Variants in FAM111B observed in about 807,000 individuals in gnomAD.
FAM111B encodes FAM111 trypsin like peptidase B.
A neutral mutation model predicts 2.8 loss-of-function variants in FAM111B; 1 was observed. The observed-to-expected ratio is 0.36, with a 90% CI of 0.13 to 1.70. The LOEUF is 1.70. Among genes scored for constraint, FAM111B ranks in the 40% most tolerant of loss-of-function variants. The pLI is 0.35. For synonymous variants in FAM111B, 297 were observed against 295.6 expected, an observed-to-expected ratio of 1.00 and a Z score of -0.05; for missense variants, 882 against 878.9, an observed-to-expected ratio of 1.00 and a Z score of -0.04.
intron 1 of FAM111B, among the ~76,000 whole-genome samples, chr11:59,108,252 A>G (rs7110278): frequency 0.44 from 66,969 of 152,054 alleles, 15,013 homozygotes; most frequent in Admixed American, 0.53. Context: ...TAAAAGGGTT[A>G]CAGGGAGAGG....
At chr11:59,117,428 T>G (rs537886720) in intron 3 of FAM111B, among the ~76,000 whole-genome samples, 1 of 152,182 alleles carries the variant, frequency 6.6e-6, no homozygotes, top group East Asian at 1.9e-4. Flanking sequence ...GAGGGCAGGT[T>G]TTTCAAGGCT....
At chr11:59,113,685 G>A (rs910842337) in intron 3 of FAM111B, among the ~76,000 whole-genome samples, 8 of 152,166 alleles carry the variant, frequency 5.3e-5, no homozygotes, top group Non-Finnish European at 1.2e-4. Flanking sequence ...ATGGAGTCAC[G>A]TCTCTATCAG....
At chr11:59,108,951 A>G (rs1590886243) in intron 2 of FAM111B, among the ~76,000 whole-genome samples, 1 of 152,152 alleles carries the variant, frequency 6.6e-6, no homozygotes, top group East Asian at 1.9e-4. Context: ...TTACATGGAA[A>G]CCATTTTATA....
At position 59,124,981 on chromosome 11, in the gene FAM111B, A is replaced by G; in HGVS notation, c.884A>G (p.His295Arg). Residue 295 changes from histidine (H) to arginine (R), a missense_variant, in exon 4 of 4, where the codon CAC becomes CGC. Transcript: ENST00000343597. ...QNESATDEIN[H>R]QSLIQSKKKV... is the part of the protein sequence containing the mutation. ...GAAAGTGCCACTGATGAAATTAATC[A>G]CCAGAGTCTGATACAGTCTAAGAAA... 6.2e-7 allele frequency: 1 copy of G among 1,612,090 alleles called. No individual in the cohort carries two copies. The highest frequency in any genetic ancestry group is 1.7e-5 in the Admixed American group (1 of 59,742).
intron 3 of FAM111B, among the ~76,000 whole-genome samples, chr11:59,112,555 C>T (rs983804034): frequency 6.6e-6 from 1 of 152,170 alleles, no homozygotes; most frequent in Non-Finnish European, 1.5e-5. Flanking sequence ...AAGTGTATGA[C>T]ATAACTTTAA....
In FAM111B at chr11:59,125,134, GA is replaced by G; in HGVS notation, c.1040del (p.Asn347IlefsTer14). On this transcript the variant is annotated frameshift_variant, in exon 4 of 4. Transcript: ENST00000343597. LOFTEE classifies it low-confidence loss of function (END_TRUNC). ...ACTCGCCAGACAATTCCCAGGATTA[GA>G]AATTATTACTTTTGTAGTTTGCCCC... ...DKTRQTIPRI[R>X]NYYFCSLPRK... The G allele has an allele frequency of 6.2e-7, 1 of 1,613,882 alleles. No homozygotes were observed. Among genetic ancestry groups the G allele is most frequent in the Non-Finnish European group, 8.5e-7 (1 of 1,179,844 alleles).
At chr11:59,111,836 G>A (rs1565186799) in intron 3 of FAM111B, among the ~76,000 whole-genome samples, 1 of 152,010 alleles carries the variant, frequency 6.6e-6, no homozygotes, top group Non-Finnish European at 1.5e-5. Context: ...CAAAGTAAAG[G>A]AGGCAACAAA....
chr11:59,121,182 C>G (rs576915460), intron 3 of FAM111B, among the ~76,000 whole-genome samples: 1 of 150,620 alleles, frequency 6.6e-6, no homozygotes, highest in African/African-American at 2.4e-5. Flanking sequence ...AATGAAAAAT[C>G]AAGAAGAAAT....
chr11:59,111,365 A>C (rs544504252), intron 3 of FAM111B, among the ~76,000 whole-genome samples: 1 of 152,156 alleles, frequency 6.6e-6, no homozygotes, highest in Non-Finnish European at 1.5e-5. Flanking sequence ...AAATAGCTGC[A>C]GTATCTTTTT....
chr11:59,108,244 A>C (rs1464954150), intron 1 of FAM111B, among the ~76,000 whole-genome samples: 12 of 152,220 alleles, frequency 7.9e-5, no homozygotes, highest in African/African-American at 2.9e-4. Context: ...GGGATCCCTA[A>C]AAGGGTTACA....
At chr11:59,123,477 T>C (rs1420646078) in intron 3 of FAM111B, among the ~76,000 whole-genome samples, 1 of 152,176 alleles carries the variant, frequency 6.6e-6, no homozygotes, top group Admixed American at 6.5e-5. Context: ...GATGTTTACA[T>C]CCTCAGTTGC....
chr11:59,123,845 T>G (rs1859960630), intron 3 of FAM111B, among the ~76,000 whole-genome samples: 1 of 152,194 alleles, frequency 6.6e-6, no homozygotes. Flanking sequence ...CTCATTTCTT[T>G]GCATCTGGAT....
At position 59,124,399 on chromosome 11, in the gene FAM111B, G is replaced by A. The variant is rs1449921032; in HGVS notation, c.302G>A (p.Gly101Asp). Residue 101 changes from glycine to aspartate, a missense_variant, in exon 4 of 4, where the codon GGT becomes GAT. Transcript: ENST00000343597. ...GACCGTAGTGTGTTTACAGCATATG[G>A]TAAACCCAGCGAGAGTATCTACTCA... ...KLDRSVFTAY[G>D]KPSESIYSAL... The A allele has an allele frequency of 2.5e-6, 4 of 1,613,638 alleles. No individual in the cohort carries two copies. In the South Asian group the frequency reaches 3.3e-5, roughly 13 times the overall value.
Position 59,123,925 on chromosome 11 carries a change from T to C in FAM111B, c.82-254T>C, listed in dbSNP as rs1474534972. ...CCATTAAATGGTCTTAAGACCCTTG[T>C]TGAAAATCAAAGTACTACTTTTAAG... On this transcript the variant is annotated intron_variant, in intron 3 of 3. Coordinates refer to ENST00000343597, the MANE Select transcript of FAM111B (RefSeq NM_198947.4). Among the ~76,000 whole-genome samples, 67 of 152,154 alleles carry C rather than the reference T, an allele frequency of 4.4e-4. 1 individual carries two copies. The highest frequency in any genetic ancestry group is 1.0e-4 in the Non-Finnish European group (7 of 67,996).
intron 3 of FAM111B, among the ~76,000 whole-genome samples, chr11:59,123,750 A>G (rs1371165542): frequency 6.6e-6 from 1 of 152,240 alleles, no homozygotes; most frequent in East Asian, 1.9e-4. Context: ...ATAGTATTTA[A>G]GAAACATAAG....
Position 59,124,397 on chromosome 11 carries a change from T to C in FAM111B, c.300T>C (p.Tyr100=), listed in dbSNP as rs766826697. The part of the protein sequence containing the change: ...RKLDRSVFTA[Y]GKPSESIYSA... ...TAGACCGTAGTGTGTTTACAGCATATGGTAAACCCAGCGAGAGTATCTACT... is the reference window on the plus strand; with the variant it reads ...TAGACCGTAGTGTGTTTACAGCATACGGTAAACCCAGCGAGAGTATCTACT... Residue 100 remains tyrosine, a synonymous_variant, in exon 4 of 4, where the codon TAT becomes TAC. Transcript: ENST00000343597. The C allele has an allele frequency of 6.2e-6, 10 of 1,613,582 alleles. No homozygotes were observed. The highest frequency in any genetic ancestry group is 1.3e-5 in the African/African-American group (1 of 74,904).
chr11:59,108,821 T>G (rs541901984), intron 2 of FAM111B, 109 bp downstream of exon 2: 1 of 152,344 alleles, frequency 6.6e-6, no homozygotes, highest in South Asian at 2.1e-4. Context: ...TTATCCACTT[T>G]TTAAGTGCCT....
intron 3 of FAM111B, among the ~76,000 whole-genome samples, chr11:59,123,349 C>T (rs986734202): frequency 1.3e-5 from 2 of 152,070 alleles, no homozygotes; most frequent in African/African-American, 4.8e-5. Flanking sequence ...ACACTCAAAT[C>T]CTTTTAAGGA....
At chr11:59,109,788 A>C (rs1371756009) in intron 3 of FAM111B, 82 bp downstream of exon 3, 1 of 873,440 alleles carries the variant, frequency 1.1e-6, no homozygotes, top group Admixed American at 2.4e-5. Flanking sequence ...ATAAGTTCTT[A>C]AACAATGGTC....
Sources: gnomAD v4.1 joint callset for allele counts (sites outside exome capture counted in the v4.1 genomes callset) on GRCh38, gnomAD v4.1.1 for gene constraint, MANE v1.5 for transcripts, NCBI Gene and HGNC (gene_info 2026-07-23, HGNC 2026-07-21) for gene names.